TRPS1: variants seen among roughly 807,000 people sequenced by gnomAD.
TRPS1 encodes transcriptional repressor GATA binding 1, also known as zinc finger transcription factor Trps1.
Under a neutral mutation model 101.2 loss-of-function variants are expected in TRPS1, and 6 were observed. That is an observed-to-expected ratio of 0.06 (90% confidence interval 0.03 to 0.12). TRPS1 has a LOEUF of 0.12. Ranked by LOEUF, TRPS1 falls within the 10% of genes least tolerant of loss-of-function variation. TRPS1 has a pLI of 1.00. For missense variants in TRPS1, 1,363 were observed against 1,567.0 expected, an observed-to-expected ratio of 0.87 and a Z score of 2.20; for synonymous variants, 578 against 589.8, an observed-to-expected ratio of 0.98 and a Z score of 0.29.
At chr8:115,635,426 G>C (rs141679973) in intron 1 of TRPS1, among the ~76,000 whole-genome samples, 1 of 152,108 alleles carries the variant, frequency 6.6e-6, no homozygotes, top group African/African-American at 2.4e-5. Context: ...CAAAACTCAC[G>C]TAACATTTAT....
Position 115,414,824 on chromosome 8 carries a change from A to G in TRPS1, c.3084T>C (p.Ser1028=). Residue 1028 remains serine, a synonymous_variant, in exon 7 of 7, where the codon TCT becomes TCC. Transcript: ENST00000395715. This position sits in a 1 kb window ranked among gnomAD's most constrained non-coding sequence, Gnocchi z 4.8. ...GGCTGACCAGGACTGGCTGCTGAGC[A>G]GAATGGCTTTTAGTCAATGAACCCT... ...EAQGSLTKSH[S]AQQPVLVSQT... is the part of the protein sequence containing the mutation. 6.2e-7 allele frequency: 1 copy of G among 1,614,056 alleles called. No homozygotes were observed.
In TRPS1 at chr8:115,586,995, T is replaced by C; in HGVS notation, c.2700+6A>G. ...AATGAATTATTTAAAAATGAAACCATCCTACCCGTAACAGGGACTGGGATT... is the reference window on the plus strand; with the variant it reads ...AATGAATTATTTAAAAATGAAACCACCCTACCCGTAACAGGGACTGGGATT... On this transcript the variant is annotated splice_donor_region_variant and intron_variant, in intron 5 of 6. Coordinates refer to ENST00000395715, the MANE Select transcript of TRPS1 (RefSeq NM_014112.5). The C allele has an allele frequency of 6.2e-7, 1 of 1,614,088 alleles. No homozygotes were observed. The highest frequency in any genetic ancestry group is 8.5e-7 in the Non-Finnish European group (1 of 1,180,028).
At chr8:115,575,576 C>A (rs1817299619) in intron 5 of TRPS1, among the ~76,000 whole-genome samples, 1 of 152,042 alleles carries the variant, frequency 6.6e-6, no homozygotes, top group Non-Finnish European at 1.5e-5. Flanking sequence ...TAATTTAACA[C>A]CCTTTTCTCT....
intron 3 of TRPS1, among the ~76,000 whole-genome samples, chr8:115,605,369 C>T: frequency 6.6e-6 from 1 of 152,350 alleles, no homozygotes; most frequent in Non-Finnish European, 1.5e-5. Context: ...ATCCAAATCA[C>T]ATGGGATTTC....
chr8:115,513,378 T>C (rs998081624), intron 5 of TRPS1, among the ~76,000 whole-genome samples: 1 of 151,688 alleles, frequency 6.6e-6, no homozygotes. Context: ...ATTTACATCA[T>C]GATCTCATTT....
At chr8:115,639,090 G>T (rs1818836128) in intron 1 of TRPS1, among the ~76,000 whole-genome samples, 1 of 152,062 alleles carries the variant, frequency 6.6e-6, no homozygotes, top group South Asian at 2.1e-4. Flanking sequence ...CTGAAACAGG[G>T]TCTTGCTCTG....
intron 5 of TRPS1, among the ~76,000 whole-genome samples, chr8:115,507,169 T>C (rs1168183224): frequency 2.6e-5 from 4 of 152,036 alleles, no homozygotes; most frequent in Non-Finnish European, 5.9e-5. Context: ...ACTGTATGGA[T>C]CAAAGAATTC....
chr8:115,432,327 A>T (rs74202951), intron 5 of TRPS1, among the ~76,000 whole-genome samples: 151,849 of 151,850 alleles, frequency 1, 75,924 homozygotes, highest in Non-Finnish European at 1. Context: ...AAAGAAATGT[A>T]AGGTGGCTAG....
At chr8:115,569,851 T>C (rs1055418583) in intron 5 of TRPS1, among the ~76,000 whole-genome samples, 3 of 152,082 alleles carry the variant, frequency 2.0e-5, no homozygotes, top group African/African-American at 4.8e-5. Flanking sequence ...ACTAATAATA[T>C]AGCTGTGTAG....
At chr8:115,643,736 T>C (rs919705635) in intron 1 of TRPS1, among the ~76,000 whole-genome samples, 6 of 152,242 alleles carry the variant, frequency 3.9e-5, no homozygotes, top group African/African-American at 1.4e-4. Context: ...TAATGGTATC[T>C]CAAATGATGT....
rs550772576 is a variant in TRPS1 at position 115,418,244 on chromosome 8, A to G, written c.2823+86T>C. The G allele has an allele frequency of 1.2e-5, 20 of 1,610,960 alleles. No homozygotes were observed. In the South Asian group the frequency reaches 2.2e-4, roughly 18 times the overall value. ...CAACCCTGCGGGGGCAGGCACTGCA[A>G]GCCAGGGAATGGGACTTATCACACC... On this transcript the variant is annotated intron_variant, in intron 6 of 6. Coordinates refer to ENST00000395715, the MANE Select transcript of TRPS1 (RefSeq NM_014112.5). The surrounding 1 kb of genome is among the most constrained non-coding windows in gnomAD (Gnocchi z 4.3).
intron 4 of TRPS1, among the ~76,000 whole-genome samples, chr8:115,594,483 G>A (rs931748905): frequency 6.6e-6 from 1 of 151,920 alleles, no homozygotes. Context: ...TACAATATTC[G>A]ACAATGTGGA....
intron 1 of TRPS1, among the ~76,000 whole-genome samples, chr8:115,662,918 T>G (rs1007089254): frequency 1.3e-5 from 2 of 152,114 alleles, no homozygotes; most frequent in East Asian, 3.8e-4. Flanking sequence ...AGGCTCTTGC[T>G]AACAGGTGTC....
At chr8:115,659,800 C>T (rs1421193819) in intron 1 of TRPS1, among the ~76,000 whole-genome samples, 1 of 151,930 alleles carries the variant, frequency 6.6e-6, no homozygotes, top group Non-Finnish European at 1.5e-5. Flanking sequence ...ATCATGCTCT[C>T]ATTTCAGAAC....
intron 5 of TRPS1, among the ~76,000 whole-genome samples, chr8:115,518,570 T>C (rs1586356787): frequency 6.6e-6 from 1 of 151,824 alleles, no homozygotes; most frequent in African/African-American, 2.4e-5. Flanking sequence ...CCTAAAGGTA[T>C]ATCCAAAATT....
Position 115,619,909 on chromosome 8 carries a change from A to G in TRPS1, c.189T>C (p.Asp63=). The G allele has an allele frequency of 1.2e-6, 2 of 1,614,178 alleles. No individual in the cohort carries two copies. Among genetic ancestry groups the G allele is most frequent in the East Asian group, 4.5e-5 (2 of 44,880 alleles). The change falls in exon 3 of 7, where the codon GAT becomes GAC. Residue 63 remains aspartate, a synonymous_variant. Coordinates refer to ENST00000395715, the MANE Select transcript of TRPS1 (RefSeq NM_014112.5). ...CCTCCTTATGATTTAGTTCTGCAGC[A>G]TCACTCTGATCCGTATTTTCTGACA... ...DQMSENTDQS[D]AAELNHKEEH...
chr8:115,598,719 G>C (rs1031021218), intron 4 of TRPS1, among the ~76,000 whole-genome samples: 1 of 152,122 alleles, frequency 6.6e-6, no homozygotes, highest in African/African-American at 2.4e-5. Flanking sequence ...TTATTCTTAG[G>C]AGATAGCTTT....
chr8:115,451,436 C>T (rs1268123677), intron 5 of TRPS1, among the ~76,000 whole-genome samples: 1 of 152,020 alleles, frequency 6.6e-6, no homozygotes, highest in Non-Finnish European at 1.5e-5. Context: ...TTATCTCATG[C>T]ACTGATACCA....
intron 2 of TRPS1, among the ~76,000 whole-genome samples, chr8:115,623,129 C>T (rs1818433325): frequency 6.6e-6 from 1 of 151,824 alleles, no homozygotes; most frequent in Non-Finnish European, 1.5e-5. Context: ...CTTCTTCTAC[C>T]CAAGAACAGA....
Sources: gnomAD v4.1 joint callset for allele counts (sites outside exome capture counted in the v4.1 genomes callset) on GRCh38, gnomAD v4.1.1 for gene constraint, Gnocchi (gnomAD v3.1) non-coding constraint, MANE v1.5 for transcripts, NCBI Gene and HGNC (gene_info 2026-07-23, HGNC 2026-07-21) for gene names.